Variants in ACO1 observed in about 807,000 individuals in gnomAD.
The protein encoded by ACO1 is cytoplasmic aconitate hydratase.
A neutral mutation model predicts 105.1 loss-of-function variants in ACO1; 78 were observed. The ratio of observed to expected loss-of-function variants is 0.74; its 90% CI spans 0.62 to 0.90. The LOEUF (loss-of-function observed/expected upper bound fraction) is 0.90. ACO1 is among the 40% of genes least tolerant of loss of function. The probability of loss-of-function intolerance (pLI) is 0.00; values close to 1 mark genes in which losing one functional copy is unlikely to be tolerated. For synonymous variants in ACO1, 364 were observed against 397.4 expected, an observed-to-expected ratio of 0.92 and a Z score of 1.00; for missense variants, 965 against 1,111.1, an observed-to-expected ratio of 0.87 and a Z score of 1.87.
chr9:32,449,092 G>A lies in ACO1; in HGVS notation c.2556+11G>A. ...AAAGTCCAGGTCAAGGTAAGCTGGA[G>A]CCTCTCTATGCCAGGCCCTGTCGAA... On this transcript the variant is annotated intron_variant, in intron 20 of 20. Coordinates refer to ENST00000309951, the MANE Select transcript of ACO1 (RefSeq NM_002197.3). 1 of 1,585,122 alleles carries A rather than the reference G, an allele frequency of 6.3e-7. No homozygotes were observed. The highest frequency in any genetic ancestry group is 8.6e-7 in the Non-Finnish European group (1 of 1,164,998).
intron 18 of ACO1, among the ~76,000 whole-genome samples, chr9:32,436,680 T>C (rs1009374751): frequency 2.6e-5 from 4 of 152,214 alleles, no homozygotes; most frequent in Non-Finnish European, 1.5e-5. Context: ...GAAGGGGAAA[T>C]ACCAGGTTAA....
Position 32,384,751 on chromosome 9 carries a change from G to T in ACO1, c.-23+16G>T. ...GCAGTCGGAGGTGAGTACCGACGCG[G>T]CCCGACCCACGTCCCCAGGCGGGAG... On this transcript the variant is annotated intron_variant, in intron 1 of 20. Transcript: ENST00000309951. 2.6e-6 allele frequency: 1 copy of T among 384,102 alleles called. No individual in the cohort carries two copies. Among genetic ancestry groups the T allele is most frequent in the Non-Finnish European group, 5.3e-6 (1 of 189,172 alleles). The allele number at this position is 384,102 out of a possible 1,614,324, so 23.8% of individuals were successfully genotyped here. A position where few individuals can be genotyped will look rare whatever the true frequency, so the allele number is the denominator to read the frequency against.
At chr9:32,398,822 T>G (rs142938802) in intron 1 of ACO1, among the ~76,000 whole-genome samples, 39 of 152,280 alleles carry the variant, frequency 2.6e-4, no homozygotes, top group African/African-American at 9.4e-4. Context: ...CTCAAACTCC[T>G]GGGCTCAAGC....
intron 18 of ACO1, among the ~76,000 whole-genome samples, chr9:32,438,806 A>G (rs768806397): frequency 3.9e-5 from 6 of 152,190 alleles, no homozygotes; most frequent in Non-Finnish European, 7.4e-5. Context: ...CAAAATAACT[A>G]TATTGGGAGG....
chr9:32,414,772 C>G (rs2118443369), intron 4 of ACO1, among the ~76,000 whole-genome samples: 1 of 152,296 alleles, frequency 6.6e-6, no homozygotes, highest in Non-Finnish European at 1.5e-5. Flanking sequence ...TGGTTATAAT[C>G]TTACCTGTAG....
chr9:32,448,044 A>T (rs192212100), intron 19 of ACO1, among the ~76,000 whole-genome samples: 285 of 152,246 alleles, frequency 1.9e-3, no homozygotes, highest in African/African-American at 6.5e-3. Context: ...TGAGGAGGCA[A>T]TCTGGCTTTA....
intron 2 of ACO1, among the ~76,000 whole-genome samples, chr9:32,406,170 T>C (rs1298717719): frequency 2.0e-5 from 3 of 152,226 alleles, no homozygotes; most frequent in Non-Finnish European, 2.9e-5. Context: ...TGCTGCATAG[T>C]GTTTAGGGTT....
intron 1 of ACO1, among the ~76,000 whole-genome samples, chr9:32,390,373 T>C (rs1156975408): frequency 6.6e-6 from 1 of 152,216 alleles, no homozygotes; most frequent in Non-Finnish European, 1.5e-5. Flanking sequence ...ATCTTCCACT[T>C]CGTAGTTCTC....
At chr9:32,419,208 G>A in intron 7 of ACO1, 31 bp downstream of exon 7, 1 of 1,514,910 alleles carries the variant, frequency 6.6e-7, no homozygotes. Context: ...CTGTGGTCTT[G>A]GAAAGCCACA....
chr9:32,391,729 T>C (rs1487928578), intron 1 of ACO1, among the ~76,000 whole-genome samples: 1 of 152,242 alleles, frequency 6.6e-6, no homozygotes, highest in Non-Finnish European at 1.5e-5. Context: ...TTGCAAGTTG[T>C]GGCATAGTTC....
At chr9:32,384,777 C>T (rs2118300602) in intron 1 of ACO1, 42 bp downstream of exon 1, 1 of 358,356 alleles carries the variant, frequency 2.8e-6, no homozygotes, top group Non-Finnish European at 5.7e-6. Flanking sequence ...CAGGCGGGAG[C>T]GCCGTCCACC....
At chr9:32,432,547 A>G (rs1166143691) in intron 15 of ACO1, among the ~76,000 whole-genome samples, 1 of 152,048 alleles carries the variant, frequency 6.6e-6, no homozygotes, top group Non-Finnish European at 1.5e-5. Flanking sequence ...GCATTATGTT[A>G]AATGCCTTCC....
chr9:32,416,797 TA>T (rs1360442958), intron 4 of ACO1, among the ~76,000 whole-genome samples: 1 of 152,218 alleles, frequency 6.6e-6, no homozygotes, highest in Non-Finnish European at 1.5e-5. Flanking sequence ...TAGGCTCAGA[TA>T]ACAGCACTGT....
Position 32,386,648 on chromosome 9 carries a change from G to A in ACO1, c.-23+1913G>A, listed in dbSNP as rs191503605. Among the ~76,000 whole-genome samples, 5 of 152,334 alleles carry A rather than the reference G, an allele frequency of 3.3e-5. No individual in the cohort carries two copies. In the East Asian group the frequency reaches 5.8e-4, roughly 18 times the overall value. ...TGAGAAATGTTGCATGCACATGAGC[G>A]TGTTGTGTGTGTTGCACAGTCCACA... is the stretch of plus-strand genomic sequence containing the variant. On this transcript the variant is annotated intron_variant, in intron 1 of 20. Coordinates refer to ENST00000309951, the MANE Select transcript of ACO1 (RefSeq NM_002197.3).
intron 19 of ACO1, among the ~76,000 whole-genome samples, chr9:32,443,095 A>C (rs111968693): frequency 0.017 from 2,513 of 152,266 alleles, 62 homozygotes; most frequent in African/African-American, 0.058. Flanking sequence ...CCGGCTCAAG[A>C]AGCTTATAAT....
At chr9:32,403,121 T>C (rs1587518959) in intron 1 of ACO1, among the ~76,000 whole-genome samples, 1 of 152,142 alleles carries the variant, frequency 6.6e-6, no homozygotes, top group South Asian at 2.1e-4. Flanking sequence ...CAGAACAGGG[T>C]GGCTGCACCT....
intron 8 of ACO1, 105 bp from the exon 9 acceptor site, chr9:32,423,214 C>T (rs915933332): frequency 8.3e-6 from 5 of 604,106 alleles, no homozygotes; most frequent in South Asian, 2.3e-5. Context: ...GTAAGTGCAG[C>T]GTATGTTGCG....
intron 4 of ACO1, among the ~76,000 whole-genome samples, chr9:32,412,440 G>A (rs969373215): frequency 6.6e-6 from 1 of 152,056 alleles, no homozygotes; most frequent in African/African-American, 2.4e-5. Context: ...CCACTCAACG[G>A]GAAACAAAAA....
At chr9:32,417,405 A>C (rs973613711) in intron 4 of ACO1, among the ~76,000 whole-genome samples, 1 of 152,136 alleles carries the variant, frequency 6.6e-6, no homozygotes. Flanking sequence ...CAATCCTATG[A>C]TACATGCTTT....
Sources: allele counts gnomAD v4.1 joint callset (sites outside exome capture counted in the v4.1 genomes callset), GRCh38; gene constraint gnomAD v4.1.1; transcripts MANE v1.5; gene names NCBI Gene and HGNC (gene_info 2026-07-23, HGNC 2026-07-21).